The following IMMP2L variants were observed in gnomAD, a reference collection of about 807,000 sequenced individuals.
The protein encoded by IMMP2L is inner mitochondrial membrane peptidase subunit 2.
IMMP2L carries 18 observed loss-of-function variants against 19.3 expected under a neutral mutation model. That is an observed-to-expected ratio of 0.93 (90% confidence interval 0.64 to 1.38). The LOEUF (loss-of-function observed/expected upper bound fraction) is 1.38. IMMP2L is among the 40% of genes most tolerant of loss of function. The pLI is 0.00. For missense variants in IMMP2L, 233 were observed against 218.2 expected (o/e 1.07, Z -0.43); for synonymous variants, 76 against 73.0 (o/e 1.04, Z -0.21).
intron 3 of IMMP2L, among the ~76,000 whole-genome samples, chr7:111,030,848 GTA>G (rs1261061611): frequency 1.4e-5 from 2 of 147,994 alleles, no homozygotes; most frequent in African/African-American, 5.0e-5. Flanking sequence ...ATGTATGTGT[GTA>G]TATACATATG....
Position 111,124,256 on chromosome 7 carries a change from C to T in IMMP2L, c.240-160691G>A, listed in dbSNP as rs556718361. On this transcript the variant is annotated intron_variant, in intron 3 of 5. Transcript: ENST00000405709. ...ACTCCCAAAGAAGGGGGTTTATATA[C>T]TTGTATAGCAACTAACCTAGTTGGC... The T allele has an allele frequency of 5.0e-6, 8 of 1,613,956 alleles. No individual in the cohort carries two copies. Among genetic ancestry groups the T allele is most frequent in the Middle Eastern group, 1.7e-4 (1 of 6,058 alleles).
intron 3 of IMMP2L, among the ~76,000 whole-genome samples, chr7:111,263,075 C>T (rs1272804169): frequency 1.3e-5 from 2 of 152,036 alleles, no homozygotes; most frequent in East Asian, 1.9e-4. Context: ...TAATATAGTC[C>T]CCTGTAAGAC....
chr7:111,514,912 G>A (rs953970797), intron 2 of IMMP2L, among the ~76,000 whole-genome samples: 5 of 151,850 alleles, frequency 3.3e-5, no homozygotes, highest in Admixed American at 6.6e-5. Context: ...ATGTATCAAA[G>A]CACAAGTGAT....
intron 2 of IMMP2L, among the ~76,000 whole-genome samples, chr7:111,493,450 C>T (rs1001494609): frequency 8.5e-5 from 13 of 152,122 alleles, no homozygotes; most frequent in African/African-American, 4.8e-5. Flanking sequence ...CGCCTGTAAT[C>T]CCAGCACTTT....
chr7:111,419,758 G>A (rs1214318538), intron 3 of IMMP2L, among the ~76,000 whole-genome samples: 3 of 151,260 alleles, frequency 2.0e-5, no homozygotes, highest in Non-Finnish European at 2.9e-5. Context: ...TCACAGGCAC[G>A]TGTCCTCAGC....
At chr7:110,775,103 TA>T (rs1162420082) in intron 5 of IMMP2L, among the ~76,000 whole-genome samples, 2 of 152,074 alleles carry the variant, frequency 1.3e-5, no homozygotes, top group Non-Finnish European at 2.9e-5. Context: ...AATTTTGGAA[TA>T]AAAATTTATG....
intron 5 of IMMP2L, among the ~76,000 whole-genome samples, chr7:110,786,378 G>C (rs950700957): frequency 6.6e-6 from 1 of 151,938 alleles, no homozygotes; most frequent in African/African-American, 2.4e-5. Context: ...GTTCAAATAG[G>C]ATCTGTTTTA....
chr7:111,353,578 T>G (rs1174411315), intron 3 of IMMP2L, among the ~76,000 whole-genome samples: 1 of 152,158 alleles, frequency 6.6e-6, no homozygotes, highest in African/African-American at 2.4e-5. Context: ...TTCAGGAGCC[T>G]ACTTAGAACT....
intron 5 of IMMP2L, among the ~76,000 whole-genome samples, chr7:110,846,348 CTTTTTTTTTT>C (rs919194286): frequency 2.4e-5 from 3 of 126,438 alleles, no homozygotes; most frequent in Admixed American, 8.1e-5. Flanking sequence ...ACCCTGATTT[CTTTTTTTTTT>C]TTTTTTTTTT....
In IMMP2L at chr7:110,770,607, T is replaced by C. The variant is rs115195293; in HGVS notation, c.409-106886A>G. ...CAGTTGATGTTCCTGAAGTTATTTT[T>C]ATACATACAATACAGCAAACGTTCC... is the stretch of plus-strand genomic sequence containing the variant. On this transcript the variant is annotated intron_variant, in intron 5 of 5. Coordinates refer to ENST00000405709, the MANE Select transcript of IMMP2L (RefSeq NM_032549.4). Among the ~76,000 whole-genome samples the C allele has an allele frequency of 5.2e-3, 786 of 152,294 alleles. 10 individuals carry two copies. The highest frequency in any genetic ancestry group is 0.018 in the African/African-American group (753 of 41,566).
intron 3 of IMMP2L, among the ~76,000 whole-genome samples, chr7:111,305,660 C>T (rs1554439533): frequency 6.6e-6 from 1 of 152,130 alleles, no homozygotes; most frequent in East Asian, 1.9e-4. Flanking sequence ...ATCAGTAATA[C>T]CAGATAACAT....
chr7:111,084,867 G>T (rs1329153130), intron 3 of IMMP2L, among the ~76,000 whole-genome samples: 3 of 152,156 alleles, frequency 2.0e-5, no homozygotes, highest in Non-Finnish European at 2.9e-5. Flanking sequence ...TTAATGTGAG[G>T]AGAACAGAGA....
intron 3 of IMMP2L, chr7:111,125,128 A>G (rs1429493550): frequency 4.8e-6 from 2 of 417,546 alleles, no homozygotes; most frequent in Non-Finnish European, 8.8e-6. Flanking sequence ...ACCAAATAAA[A>G]TAACTCCATT....
At chr7:111,487,578 A>G (rs1310433492) in intron 2 of IMMP2L, among the ~76,000 whole-genome samples, 1 of 152,194 alleles carries the variant, frequency 6.6e-6, no homozygotes, top group Non-Finnish European at 1.5e-5. Flanking sequence ...AACGTGTGCT[A>G]GACATTAAAA....
At chr7:110,743,188 G>A (rs76727184) in intron 5 of IMMP2L, among the ~76,000 whole-genome samples, 3,223 of 152,238 alleles carry the variant, frequency 0.021, 57 homozygotes, top group Middle Eastern at 0.034. Flanking sequence ...GTCTAGTGTT[G>A]GGCAGTGGAG....
chr7:111,020,440 C>G (rs913632506), intron 3 of IMMP2L, among the ~76,000 whole-genome samples: 1 of 151,740 alleles, frequency 6.6e-6, no homozygotes, highest in Admixed American at 6.6e-5. Context: ...AGGGAACTTA[C>G]GTTCTACTAT....
chr7:111,095,339 T>C (rs1797292902), intron 3 of IMMP2L, among the ~76,000 whole-genome samples: 1 of 151,954 alleles, frequency 6.6e-6, no homozygotes, highest in South Asian at 2.1e-4. Flanking sequence ...CCCCTTACAA[T>C]ACTTCCTCCA....
At position 111,194,653 on chromosome 7, in the gene IMMP2L, A is replaced by G. The variant is rs531633350; in HGVS notation, c.240-231088T>C. 2.0e-5 allele frequency among the ~76,000 whole-genome samples: 3 copies of G among 152,316 alleles called. No homozygotes were observed. In the South Asian group the frequency reaches 6.2e-4, roughly 32 times the overall value. On this transcript the variant is annotated intron_variant, in intron 3 of 5. Transcript: ENST00000405709. ...AGTACATATGTCTTCACAGTCAAAT[A>G]TATATGGAGCTGATAAAAACAATAA...
At chr7:110,824,006 T>C (rs763453205) in intron 5 of IMMP2L, among the ~76,000 whole-genome samples, 13 of 152,176 alleles carry the variant, frequency 8.5e-5, no homozygotes, top group Non-Finnish European at 1.9e-4. Flanking sequence ...CACTAACACA[T>C]GAAGTGGTCA....
Sources: allele counts gnomAD v4.1 joint callset (sites outside exome capture counted in the v4.1 genomes callset), GRCh38; gene constraint gnomAD v4.1.1; transcripts MANE v1.5; gene names NCBI Gene and HGNC (gene_info 2026-07-23, HGNC 2026-07-21).